Variants in LUZP4 observed in about 807,000 individuals in gnomAD.
LUZP4 encodes HOM-TES-85 tumor antigen.
LUZP4 carries 11 observed loss-of-function variants against 8.5 expected under a neutral mutation model. The ratio of observed to expected loss-of-function variants is 1.30; its 90% CI spans 0.82 to 2.14. LUZP4 has a LOEUF of 2.14. LUZP4 is among the 30% of genes most tolerant of loss of function. LUZP4 has a pLI of 0.00. For missense variants in LUZP4, 276 were observed against 229.7 expected (o/e 1.20, Z -1.30); for synonymous variants, 104 against 79.4 (o/e 1.31, Z -1.65).
rs782072425 is a variant in LUZP4 at position 115,307,219 on chromosome X, TAATG to T, written c.*419_*422del. On this transcript the variant is annotated 3_prime_UTR_variant, in exon 4 of 4. Transcript: ENST00000371920. ...CAAATTGATAATATATAATCTATGA[TAATG>T]AATATCTCTTTTGTGTCTCCTTCCT... 1.1e-3 allele frequency: 166 copies of T among 147,475 alleles called. No homozygotes were observed. The highest frequency in any genetic ancestry group is 4.8e-3 in the African/African-American group (158 of 32,789). 12.2% of individuals were successfully genotyped at this position (147,475 alleles called of 1,213,427 possible).
chrX:115,307,267 CCTT>C lies in LUZP4; in HGVS notation c.*464_*466del, dbSNP rs2073428275. 7.7e-6 allele frequency: 1 copy of C among 129,851 alleles called. No homozygotes were observed. The highest frequency in any genetic ancestry group is 3.2e-5 in the African/African-American group (1 of 31,625). 10.7% of individuals were successfully genotyped at this position (129,851 alleles called of 1,213,427 possible). A position where few individuals can be genotyped will look rare whatever the true frequency, so the allele number is the denominator to read the frequency against. The stretch of plus-strand genomic sequence containing the variant: ...CCTTCCTAAGCCATCCTCAGAGAGT[CCTT>C]AGCAGACAAATGGTAGATGTATCTT... On this transcript the variant is annotated 3_prime_UTR_variant, in exon 4 of 4. Coordinates refer to ENST00000371920, the MANE Select transcript of LUZP4 (RefSeq NM_016383.5).
chrX:115,297,128 A>G (rs2073374057), intron 1 of LUZP4, among the ~76,000 whole-genome samples: 1 of 111,965 alleles, frequency 8.9e-6, no homozygotes, highest in East Asian at 2.8e-4. Flanking sequence ...ATTTTAAAAC[A>G]TATAGTTATT....
At chrX:115,292,152 G>A (rs934568353) in intron 1 of LUZP4, among the ~76,000 whole-genome samples, 3 of 112,291 alleles carry the variant, frequency 2.7e-5, no homozygotes, top group Non-Finnish European at 3.8e-5. Flanking sequence ...CAATTTATCT[G>A]TTTTTTGTTG....
intron 1 of LUZP4, among the ~76,000 whole-genome samples, chrX:115,296,128 G>T (rs945048043): frequency 8.9e-6 from 1 of 112,173 alleles, no homozygotes; most frequent in Non-Finnish European, 1.9e-5. Context: ...AACAAAAATT[G>T]TGGTGTATTT....
rs138381850 is a variant in LUZP4, at chrX:115,306,539, A to G, written c.677A>G (p.His226Arg). ...ERSHGHSERS[H>R]GHSKRSRSQG... ...TCTCATGGTCACTCAGAGAGATCTC[A>G]TGGTCACTCAAAGAGATCTCGTAGC... The change falls in exon 4 of 4, where the codon CAT (histidine) becomes CGT (arginine). Residue 226 changes from histidine (H) to arginine (R), a missense_variant. By Grantham distance (29) the His-to-Arg change is conservative. Transcript: ENST00000371920. 2.4e-5 allele frequency: 29 copies of G among 1,207,245 alleles called. No homozygotes were observed. Among genetic ancestry groups the G allele is most frequent in the Non-Finnish European group, 7.8e-6 (7 of 894,735 alleles).
chrX:115,294,752 A>G (rs1371917057), intron 1 of LUZP4, among the ~76,000 whole-genome samples: 1 of 111,829 alleles, frequency 8.9e-6, no homozygotes, highest in African/African-American at 3.3e-5. Context: ...AGATGATTAC[A>G]GCTGGAAGGA....
intron 1 of LUZP4, among the ~76,000 whole-genome samples, chrX:115,300,938 A>C (rs1190592988): frequency 9.1e-6 from 1 of 109,947 alleles, no homozygotes; most frequent in Non-Finnish European, 1.9e-5. Context: ...CTGTGTAGAT[A>C]GTTGTTAAAT....
Position 115,306,345 on chromosome X carries a change from A to C in LUZP4, c.483A>C (p.Arg161=). The change falls in exon 4 of 4, where the codon CGA becomes CGC. Residue 161 remains arginine, a synonymous_variant. Coordinates refer to ENST00000371920, the MANE Select transcript of LUZP4 (RefSeq NM_016383.5). The part of the protein sequence containing the change: ...GQPEENHHSE[R]SRNHLERSLS... Reference sequence around the variant, plus strand: ...CAGAAGAAAATCATCATTCTGAGCGATCCCGAAACCACTTAGAGAGATCTC... The same window carrying C: ...CAGAAGAAAATCATCATTCTGAGCGCTCCCGAAACCACTTAGAGAGATCTC... 1 of 1,211,460 alleles carries C rather than the reference A, an allele frequency of 8.3e-7. No individual in the cohort carries two copies. Among genetic ancestry groups the C allele is most frequent in the Non-Finnish European group, 1.1e-6 (1 of 895,478 alleles).
At chrX:115,298,425 C>T (rs1389553409) in intron 1 of LUZP4, among the ~76,000 whole-genome samples, 1 of 112,650 alleles carries the variant, frequency 8.9e-6, no homozygotes, top group Non-Finnish European at 1.9e-5. Flanking sequence ...CAGCCAATAA[C>T]TCTTAGATTT....
chrX:115,304,726 G>A (rs1298931752), intron 3 of LUZP4, among the ~76,000 whole-genome samples: 3 of 108,577 alleles, frequency 2.8e-5, no homozygotes, highest in African/African-American at 1.0e-4. Context: ...ATGTTGCCCA[G>A]GGTGGGAAAG....
chrX:115,294,120 A>T (rs782031473), intron 1 of LUZP4, among the ~76,000 whole-genome samples: 1 of 111,823 alleles, frequency 8.9e-6, no homozygotes, highest in South Asian at 3.8e-4. Context: ...AAAAACCTAG[A>T]ACTGAAGGGA....
intron 1 of LUZP4, among the ~76,000 whole-genome samples, chrX:115,295,047 T>C (rs2073364885): frequency 8.9e-6 from 1 of 111,949 alleles, no homozygotes; most frequent in African/African-American, 3.2e-5. Flanking sequence ...TTTCGACTAG[T>C]TATCACAGGC....
At chrX:115,292,109 T>C (rs910650596) in intron 1 of LUZP4, among the ~76,000 whole-genome samples, 1 of 112,218 alleles carries the variant, frequency 8.9e-6, no homozygotes, top group Admixed American at 9.4e-5. Flanking sequence ...TAGTGTCCTT[T>C]GAAGTCCCGA....
chrX:115,289,764 C>T lies in LUZP4; in HGVS notation c.5C>T (p.Ala2Val), dbSNP rs782704713. ...TGGCGCCATGATGCAGGGAAGATGG[C>T]TTCGTTTCGGAAGCTAACGCTTTCT... is the stretch of plus-strand genomic sequence containing the variant. M[A>V]SFRKLTLSEK... The change falls in exon 1 of 4, where the codon GCT becomes GTT. Residue 2 changes from alanine to valine, a missense_variant. Coordinates refer to ENST00000371920, the MANE Select transcript of LUZP4 (RefSeq NM_016383.5). The T allele has an allele frequency of 1.7e-6, 2 of 1,204,631 alleles. No homozygotes were observed. The highest frequency in any genetic ancestry group is 1.8e-5 in the African/African-American group (1 of 57,013).
At chrX:115,297,242 A>AT (rs1465113690) in intron 1 of LUZP4, among the ~76,000 whole-genome samples, 2 of 111,862 alleles carry the variant, frequency 1.8e-5, no homozygotes, top group Non-Finnish European at 3.8e-5. Flanking sequence ...TGTTGTAGTT[A>AT]TTTTTTATTG....
At chrX:115,294,757 G>A (rs782403214) in intron 1 of LUZP4, among the ~76,000 whole-genome samples, 2 of 111,739 alleles carry the variant, frequency 1.8e-5, no homozygotes, top group South Asian at 7.7e-4. Flanking sequence ...ATTACAGCTG[G>A]AAGGATACTG....
intron 1 of LUZP4, among the ~76,000 whole-genome samples, chrX:115,300,080 T>G (rs1374631428): frequency 9.0e-6 from 1 of 110,717 alleles, no homozygotes; most frequent in African/African-American, 3.3e-5. Flanking sequence ...GACAAAGTCC[T>G]CCCCACTCTT....
chrX:115,306,205 G>A lies in LUZP4; in HGVS notation c.343G>A (p.Glu115Lys). ...PLNGQPLIEQEKCSDNYEAQA... is the reference protein window; with the variant it reads ...PLNGQPLIEQKKCSDNYEAQA... ...TTTGAATAATTGGGATCCTTTTCAG[G>A]AGAAGTGCAGTGACAATTATGAGGC... Residue 115 changes from glutamate (E) to lysine (K), a missense_variant and splice_region_variant, in exon 4 of 4, where the codon GAG becomes AAG. Physicochemically the swap from Glu to Lys is moderately conservative, Grantham distance 56. Coordinates refer to ENST00000371920, the MANE Select transcript of LUZP4 (RefSeq NM_016383.5). 1.7e-6 allele frequency: 2 copies of A among 1,202,428 alleles called. No individual in the cohort carries two copies. Among genetic ancestry groups the A allele is most frequent in the South Asian group, 3.6e-5 (2 of 55,928 alleles).
In LUZP4 at chrX:115,289,731, G is replaced by A. The variant is rs1556595695; in HGVS notation, c.-29G>A. 1.8e-6 allele frequency: 2 copies of A among 1,121,505 alleles called. No homozygotes were observed. Among genetic ancestry groups the A allele is most frequent in the Non-Finnish European group, 2.5e-6 (2 of 814,730 alleles). 92.4% of individuals were successfully genotyped at this position (1,121,505 alleles called of 1,213,427 possible). ...GGGGGTGGTACACGCGCCCTACCTCGGAGTGTGTGGCGCCATGATGCAGGG... is the reference window on the plus strand; with the variant it reads ...GGGGGTGGTACACGCGCCCTACCTCAGAGTGTGTGGCGCCATGATGCAGGG... On this transcript the variant is annotated 5_prime_UTR_variant, in exon 1 of 4. Transcript: ENST00000371920.
Sources: gnomAD v4.1 joint callset for allele counts (sites outside exome capture counted in the v4.1 genomes callset) on GRCh38, gnomAD v4.1.1 for gene constraint, MANE v1.5 for transcripts, NCBI Gene and HGNC (gene_info 2026-07-23, HGNC 2026-07-21) for gene names.